Variants in FRYL observed in about 807,000 individuals in gnomAD.
FRYL encodes the protein FRY like transcription coactivator.
Under a neutral mutation model 351.2 loss-of-function variants are expected in FRYL, and 150 were observed. The observed-to-expected ratio is 0.43, with a 90% CI of 0.37 to 0.49. The LOEUF is 0.49. Among genes scored for constraint, FRYL ranks in the 20% least tolerant of loss-of-function variants. The pLI is 0.00. For synonymous variants in FRYL, 1,153 were observed against 1,257.1 expected, an observed-to-expected ratio of 0.92 and a Z score of 1.75; for missense variants, 3,036 against 3,619.3, an observed-to-expected ratio of 0.84 and a Z score of 4.13.
chr4:48,546,743 C>T (rs1021524138), intron 41 of FRYL: 4 of 153,866 alleles, frequency 2.6e-5, no homozygotes, highest in African/African-American at 9.7e-5. Context: ...TTACTAATGC[C>T]CATATTTACA....
chr4:48,628,421 C>A lies in FRYL; in HGVS notation c.121-5242G>T, dbSNP rs537096276. ...AAATGTGTATTTTATATATATCTCC[C>A]CTTCATTTGCGTGTGTGTGTGTGTG... On this transcript the variant is annotated intron_variant, in intron 4 of 63. Coordinates refer to ENST00000358350, the MANE Select transcript of FRYL (RefSeq NM_015030.2). Among the ~76,000 whole-genome samples, 7 of 108,796 alleles carry A rather than the reference C, an allele frequency of 6.4e-5. No homozygotes were observed. In the East Asian group the frequency reaches 1.9e-3, roughly 30 times the overall value. The allele number at this position is 108,796 out of a possible 152,430, so 71.4% of individuals were successfully genotyped here.
chr4:48,557,322 T>C, intron 34 of FRYL, 131 bp downstream of exon 34: 2 of 1,278,536 alleles, frequency 1.6e-6, no homozygotes, highest in Non-Finnish European at 2.1e-6. Flanking sequence ...AATTCATATC[T>C]AATGAGTCTT....
chr4:48,776,478 A>G (rs1776041591), intron 1 of FRYL, among the ~76,000 whole-genome samples: 1 of 152,244 alleles, frequency 6.6e-6, no homozygotes, highest in African/African-American at 2.4e-5. Flanking sequence ...AAACTGCCCA[A>G]GTACTTTAGG....
At chr4:48,552,445 T>A (rs1560589621) in intron 36 of FRYL, among the ~76,000 whole-genome samples, 1 of 152,192 alleles carries the variant, frequency 6.6e-6, no homozygotes, top group Non-Finnish European at 1.5e-5. Flanking sequence ...CTTATATTTT[T>A]TTTAATATTC....
chr4:48,543,712 C>CAA (rs1272008063), intron 44 of FRYL, 95 bp downstream of exon 44: 1 of 1,032,530 alleles, frequency 9.7e-7, no homozygotes, highest in Non-Finnish European at 1.4e-6. Flanking sequence ...TCTAGATGCC[C>CAA]ATTATCTTGC....
At chr4:48,680,644 G>A (rs1414292974) in intron 3 of FRYL, among the ~76,000 whole-genome samples, 1 of 151,894 alleles carries the variant, frequency 6.6e-6, no homozygotes, top group Non-Finnish European at 1.5e-5. Flanking sequence ...TATCCTATAG[G>A]TGTAACTAAC....
intron 12 of FRYL, among the ~76,000 whole-genome samples, chr4:48,602,982 T>C (rs1746005720): frequency 6.6e-6 from 1 of 152,220 alleles, no homozygotes; most frequent in South Asian, 2.1e-4. Flanking sequence ...GTAAGTACAT[T>C]CAATGATGTT....
intron 1 of FRYL, among the ~76,000 whole-genome samples, chr4:48,738,480 G>C (rs936665527): frequency 6.6e-6 from 1 of 152,038 alleles, no homozygotes; most frequent in Non-Finnish European, 1.5e-5. Context: ...TTCATGGATA[G>C]GAAGACTCAA....
At chr4:48,507,685 C>A (rs1294694297) in intron 59 of FRYL, among the ~76,000 whole-genome samples, 1 of 147,506 alleles carries the variant, frequency 6.8e-6, no homozygotes, top group Non-Finnish European at 1.5e-5. Context: ...TTTCACTGGG[C>A]TGGGAAAACA....
chr4:48,513,098 G>C (rs1445233945), intron 56 of FRYL, among the ~76,000 whole-genome samples: 1 of 152,104 alleles, frequency 6.6e-6, no homozygotes, highest in Non-Finnish European at 1.5e-5. Flanking sequence ...TGTGTTAAGG[G>C]CTATGTTAGG....
At chr4:48,568,596 G>A (rs1198645259) in intron 27 of FRYL, among the ~76,000 whole-genome samples, 8 of 151,612 alleles carry the variant, frequency 5.3e-5, no homozygotes, top group South Asian at 2.1e-4. Context: ...CTAGTTATGA[G>A]TAACTTCGGA....
intron 1 of FRYL, among the ~76,000 whole-genome samples, chr4:48,761,416 C>A (rs779398523): frequency 2.1e-4 from 32 of 152,074 alleles, no homozygotes; most frequent in Non-Finnish European, 3.5e-4. Flanking sequence ...GCCACAGTAA[C>A]GTCAAAAGGC....
At chr4:48,728,878 GGGTGCAGCCCACGGAGGGCAA>G (rs1293482614) in intron 1 of FRYL, among the ~76,000 whole-genome samples, 1 of 152,222 alleles carries the variant, frequency 6.6e-6, no homozygotes, top group African/African-American at 2.4e-5. Context: ...GTTGGACAGT[GGGTGCAGCCCACGGAGGGCAA>G]GCCGAAGCAG....
chr4:48,532,286 AAG>A (rs1184051759), intron 49 of FRYL, among the ~76,000 whole-genome samples: 1 of 152,240 alleles, frequency 6.6e-6, no homozygotes, highest in Non-Finnish European at 1.5e-5. Flanking sequence ...TCTTGCTATG[AAG>A]ACACCTAAAA....
intron 35 of FRYL, among the ~76,000 whole-genome samples, chr4:48,554,446 C>G (rs978779025): frequency 1.3e-5 from 2 of 152,008 alleles, no homozygotes; most frequent in African/African-American, 4.8e-5. Flanking sequence ...TCAAGCAATT[C>G]CCCCTGCGTC....
intron 1 of FRYL, among the ~76,000 whole-genome samples, chr4:48,751,830 G>A (rs1578923331): frequency 1.7e-5 from 2 of 114,518 alleles, no homozygotes; most frequent in African/African-American, 3.3e-5. Flanking sequence ...CCTTGCTAAA[G>A]AGATTCAATT....
At chr4:48,507,040 A>G (rs1434693581) in intron 59 of FRYL, among the ~76,000 whole-genome samples, 1 of 152,220 alleles carries the variant, frequency 6.6e-6, no homozygotes, top group East Asian at 1.9e-4. Context: ...TTATTCATAC[A>G]AAATGTTAAA....
At chr4:48,707,146 G>C (rs1363847062) in intron 2 of FRYL, among the ~76,000 whole-genome samples, 1 of 152,144 alleles carries the variant, frequency 6.6e-6, no homozygotes, top group Non-Finnish European at 1.5e-5. Flanking sequence ...ATTGCTAAGA[G>C]AATGTGCTAA....
chr4:48,609,482 T>A (rs1348522761), intron 8 of FRYL, among the ~76,000 whole-genome samples: 1 of 151,852 alleles, frequency 6.6e-6, no homozygotes, highest in Non-Finnish European at 1.5e-5. Context: ...ATTAGCTGAG[T>A]GTGGTGGCGT....
Sources: gnomAD v4.1 joint callset for allele counts (sites outside exome capture counted in the v4.1 genomes callset) on GRCh38, gnomAD v4.1.1 for gene constraint, MANE v1.5 for transcripts, NCBI Gene and HGNC (gene_info 2026-07-23, HGNC 2026-07-21) for gene names.